SPECC1: variants seen among roughly 807,000 people sequenced by gnomAD.
The protein encoded by SPECC1 is cytospin-B.
SPECC1 carries 62 observed loss-of-function variants against 104.1 expected under a neutral mutation model. The ratio of observed to expected loss-of-function variants is 0.60; its 90% CI spans 0.49 to 0.74. SPECC1 has a LOEUF of 0.74. Ranked by LOEUF, SPECC1 falls within the 30% of genes least tolerant of loss-of-function variation. The pLI is 0.00. For missense variants in SPECC1, 1,306 were observed against 1,310.5 expected (o/e 1.00, Z 0.05); for synonymous variants, 513 against 501.6 (o/e 1.02, Z -0.30).
chr17:20,165,433 A>G (rs1032130901), intron 3 of SPECC1, among the ~76,000 whole-genome samples: 1 of 152,190 alleles, frequency 6.6e-6, no homozygotes, highest in Non-Finnish European at 1.5e-5. Flanking sequence ...TATATGTACC[A>G]CATTTTCTTT....
At chr17:20,062,312 A>G (rs1175737412) in intron 1 of SPECC1, among the ~76,000 whole-genome samples, 5 of 151,762 alleles carry the variant, frequency 3.3e-5, no homozygotes, top group South Asian at 4.1e-4. Context: ...CAGTCGTAGC[A>G]TTAACCTTTG....
chr17:20,205,104 G>A lies in SPECC1; in HGVS notation c.1055G>A (p.Ser352Asn), dbSNP rs899526133. 3 of 1,614,076 alleles carry A rather than the reference G, an allele frequency of 1.9e-6. No individual in the cohort carries two copies. Among genetic ancestry groups the A allele is most frequent in the African/African-American group, 1.3e-5 (1 of 74,932 alleles). ...TCCTCCACCAGTAACCCCTTTAAGA[G>A]TTCAAAGTGTTCTACTGCTGGGAGT... is the stretch of plus-strand genomic sequence containing the variant. ...PLSSTSNPFK[S>N]SKCSTAGSSP... The change falls in exon 4 of 15, where the codon AGT becomes AAT. Residue 352 changes from serine (S) to asparagine (N), a missense_variant. Coordinates refer to ENST00000395527, the MANE Select transcript of SPECC1 (RefSeq NM_001243439.2).
intron 7 of SPECC1, among the ~76,000 whole-genome samples, chr17:20,232,887 G>C (rs137898177): frequency 6.6e-6 from 1 of 152,242 alleles, no homozygotes; most frequent in Non-Finnish European, 1.5e-5. Flanking sequence ...ACGTCAAAAG[G>C]CCTTGACATA....
At chr17:20,046,059 T>C (rs755393552) in intron 1 of SPECC1, among the ~76,000 whole-genome samples, 2 of 151,970 alleles carry the variant, frequency 1.3e-5, no homozygotes, top group African/African-American at 2.4e-5. Context: ...TCACACTTCC[T>C]GTACCTTAAT....
intron 13 of SPECC1, among the ~76,000 whole-genome samples, 179 bp downstream of exon 13, chr17:20,297,256 C>T (rs1213753273): frequency 6.6e-6 from 1 of 152,218 alleles, no homozygotes; most frequent in East Asian, 1.9e-4. Flanking sequence ...GCAAATCTTC[C>T]TCAGTTTCCC....
At chr17:20,219,750 C>T (rs2037741216) in intron 4 of SPECC1, among the ~76,000 whole-genome samples, 1 of 152,092 alleles carries the variant, frequency 6.6e-6, no homozygotes, top group South Asian at 2.1e-4. Flanking sequence ...GAAATCATTG[C>T]CCAGATCAAT....
At chr17:20,150,284 TTTTTC>T (rs1037057069) in intron 3 of SPECC1, among the ~76,000 whole-genome samples, 1 of 149,670 alleles carries the variant, frequency 6.7e-6, no homozygotes, top group African/African-American at 2.5e-5. Context: ...TGCCCGGCCT[TTTTTC>T]TTTTTTTTTT....
At chr17:20,195,932 A>G (rs2036004432) in intron 3 of SPECC1, among the ~76,000 whole-genome samples, 1 of 152,218 alleles carries the variant, frequency 6.6e-6, no homozygotes, top group South Asian at 2.1e-4. Flanking sequence ...AAGCTGAATA[A>G]TACCCCTTTA....
rs115105068 is a variant in SPECC1 at position 20,288,018 on chromosome 17, C to T, written c.2941-8943C>T. Among the ~76,000 whole-genome samples, 971 of 141,480 alleles carry T rather than the reference C, an allele frequency of 6.9e-3. 11 individuals carry two copies. Among genetic ancestry groups the T allele is most frequent in the African/African-American group, 0.024 (923 of 37,890 alleles). The allele number at this position is 141,480 out of a possible 152,430, so 92.8% of individuals were successfully genotyped here. ...ATGTGTCCATGTGTTCTCATTTGTT[C>T]ACCTTCCACTTATAAATGAGAACAT... is the stretch of plus-strand genomic sequence containing the variant. On this transcript the variant is annotated intron_variant, in intron 12 of 14. Coordinates refer to ENST00000395527, the MANE Select transcript of SPECC1 (RefSeq NM_001243439.2).
chr17:20,221,246 T>C (rs72830188), intron 4 of SPECC1, among the ~76,000 whole-genome samples: 7,997 of 152,308 alleles, frequency 0.053, 290 homozygotes, highest in Non-Finnish European at 0.079. Flanking sequence ...TTGGTATTTT[T>C]CTTTAAATGT....
rs1222758913 is a variant in SPECC1 at position 20,015,584 on chromosome 17, A to ATT, written c.-22+6177_-22+6178dup. Among the ~76,000 whole-genome samples the ATT allele has an allele frequency of 1.6e-3, 165 of 102,078 alleles. 5 individuals carry two copies. The East Asian group carries it at 0.028, about 17-fold the overall frequency. 67.0% of individuals were successfully genotyped at this position (102,078 alleles called of 152,430 possible). On this transcript the variant is annotated intron_variant, in intron 1 of 14. Coordinates refer to ENST00000395527, the MANE Select transcript of SPECC1 (RefSeq NM_001243439.2). ...CATATTTTTAACTTTCCGGGTCTCT[A>ATT]TTTTTTTTTTTTTTTTTTGAGGTGG...
At chr17:20,085,786 A>C (rs1444505681) in intron 1 of SPECC1, among the ~76,000 whole-genome samples, 4 of 149,290 alleles carry the variant, frequency 2.7e-5, no homozygotes, top group Admixed American at 1.3e-4. Context: ...CGGTGCTCTG[A>C]GCAATGGCGG....
intron 1 of SPECC1, among the ~76,000 whole-genome samples, chr17:20,019,206 TCA>T (rs2044270379): frequency 7.8e-5 from 2 of 25,558 alleles, no homozygotes; most frequent in East Asian, 8.2e-4. Context: ...GAAGACCCTA[TCA>T]TTCATTTATT....
At chr17:20,120,746 C>T (rs958462671) in intron 3 of SPECC1, among the ~76,000 whole-genome samples, 2 of 152,094 alleles carry the variant, frequency 1.3e-5, no homozygotes, top group Non-Finnish European at 2.9e-5. Context: ...AATTTTAATA[C>T]AGTGTTGTGA....
At chr17:20,048,384 C>T (rs1389459945) in intron 1 of SPECC1, among the ~76,000 whole-genome samples, 9 of 151,994 alleles carry the variant, frequency 5.9e-5, no homozygotes, top group South Asian at 2.1e-4. Flanking sequence ...CTGTCCGCCT[C>T]GGCCTCCCAA....
At chr17:20,235,711 C>CT (rs1340054418) in intron 7 of SPECC1, among the ~76,000 whole-genome samples, 1 of 152,198 alleles carries the variant, frequency 6.6e-6, no homozygotes, top group Admixed American at 6.5e-5. Context: ...CTTACTGTGT[C>CT]TGTCATATAA....
chr17:20,104,740 C>CAAAAAAA (rs745893309), intron 2 of SPECC1, among the ~76,000 whole-genome samples: 5 of 57,242 alleles, frequency 8.7e-5, no homozygotes, highest in African/African-American at 2.1e-4. Context: ...GAGACTGTCT[C>CAAAAAAA]AAAAAAAAAA....
At chr17:20,168,799 T>C (rs2033861920) in intron 3 of SPECC1, among the ~76,000 whole-genome samples, 1 of 152,200 alleles carries the variant, frequency 6.6e-6, no homozygotes, top group Non-Finnish European at 1.5e-5. Context: ...GATTCAGATA[T>C]GTATGTGTAT....
intron 1 of SPECC1, among the ~76,000 whole-genome samples, chr17:20,089,811 G>A (rs2047327624): frequency 6.6e-6 from 1 of 152,212 alleles, no homozygotes; most frequent in African/African-American, 2.4e-5. Context: ...CATCTGATCT[G>A]CTGGCCTGGA....
Sources: gnomAD v4.1 joint callset for allele counts (sites outside exome capture counted in the v4.1 genomes callset) on GRCh38, gnomAD v4.1.1 for gene constraint, MANE v1.5 for transcripts, NCBI Gene and HGNC (gene_info 2026-07-23, HGNC 2026-07-21) for gene names.